ENTREP1: variants seen among roughly 807,000 people sequenced by gnomAD.
ENTREP1 encodes the protein Friedreich ataxia region gene X123.
At chr9:69,336,944 C>T in the ENTREP1 span, among the ~76,000 whole-genome samples, 14 of 151,468 alleles carry the variant, frequency 9.2e-5, no homozygotes, top group East Asian at 1.9e-4. Flanking sequence ...GTGATCCTCC[C>T]GCCTTGGCCT....
the ENTREP1 span, among the ~76,000 whole-genome samples, chr9:69,342,964 C>T: frequency 1.2e-3 from 180 of 152,324 alleles, no homozygotes; most frequent in Middle Eastern, 0.01. Flanking sequence ...TTGGGTGATT[C>T]ATCTACGGTT....
chr9:69,386,020 G>T, the ENTREP1 span: 1 of 1,448,834 alleles, frequency 6.9e-7, no homozygotes, highest in African/African-American at 1.4e-5. Context: ...AAGGCAGGTG[G>T]CTCTGGCCAG....
the ENTREP1 span, among the ~76,000 whole-genome samples, chr9:69,369,594 CTT>C: frequency 1.4e-5 from 2 of 145,144 alleles, no homozygotes; most frequent in Non-Finnish European, 1.5e-5. Flanking sequence ...AGATGATGAG[CTT>C]TTTTTTTTTT....
chr9:69,340,362 A>G, the ENTREP1 span, among the ~76,000 whole-genome samples: 1 of 152,132 alleles, frequency 6.6e-6, no homozygotes, highest in African/African-American at 2.4e-5. Flanking sequence ...TGTTACCTTG[A>G]TGACATCAGG....
At chr9:69,356,715 C>T in the ENTREP1 span, among the ~76,000 whole-genome samples, 1 of 152,270 alleles carries the variant, frequency 6.6e-6, no homozygotes, top group Non-Finnish European at 1.5e-5. Context: ...TTTTGGCCAC[C>T]TTATTCCCAA....
At chr9:69,369,500 T>G in the ENTREP1 span, among the ~76,000 whole-genome samples, 1 of 152,150 alleles carries the variant, frequency 6.6e-6, no homozygotes, top group African/African-American at 2.4e-5. Context: ...ATTTGTTGTT[T>G]CCTGACTTTT....
At chr9:69,383,913 C>T in the ENTREP1 span, 1 of 1,597,092 alleles carries the variant, frequency 6.3e-7, no homozygotes, top group Admixed American at 1.7e-5. Flanking sequence ...AGTTAAACAT[C>T]AACAAAATAA....
chr9:69,334,512 G>T, the ENTREP1 span, among the ~76,000 whole-genome samples: 6 of 152,150 alleles, frequency 3.9e-5, no homozygotes, highest in Admixed American at 1.3e-4. Context: ...ATCTGTAGTT[G>T]ATAAACACTG....
chr9:69,379,509 C>T, the ENTREP1 span: 1 of 152,252 alleles, frequency 6.6e-6, no homozygotes, highest in African/African-American at 2.4e-5. Flanking sequence ...GCTGGGATGG[C>T]TTCCTTAATC....
At chr9:69,367,852 T>C in the ENTREP1 span, among the ~76,000 whole-genome samples, 1 of 125,202 alleles carries the variant, frequency 8.0e-6, no homozygotes, top group South Asian at 2.4e-4. Flanking sequence ...TATATATAAA[T>C]ATATACACAC....
chr9:69,382,635 G>C, the ENTREP1 span: 1 of 152,184 alleles, frequency 6.6e-6, no homozygotes, highest in Non-Finnish European at 1.5e-5. Flanking sequence ...CAGAATTCCA[G>C]AAGTTTTATT....
At chr9:69,358,906 T>C in the ENTREP1 span, among the ~76,000 whole-genome samples, 3 of 141,160 alleles carry the variant, frequency 2.1e-5, no homozygotes, top group South Asian at 2.3e-4. Context: ...TTCTTTCTTT[T>C]TTTTTTTTTT....
the ENTREP1 span, among the ~76,000 whole-genome samples, chr9:69,369,024 C>T: frequency 1.3e-5 from 2 of 152,050 alleles, no homozygotes; most frequent in African/African-American, 4.8e-5. Flanking sequence ...AGTTTTCCTC[C>T]CTGTGTCCAT....
the ENTREP1 span, among the ~76,000 whole-genome samples, chr9:69,349,082 G>T: frequency 6.0e-5 from 9 of 150,526 alleles, no homozygotes; most frequent in African/African-American, 9.8e-5. Context: ...CACTCAGAAG[G>T]CTGAGGCAGG....
At chr9:69,337,162 G>A in the ENTREP1 span, among the ~76,000 whole-genome samples, 1 of 151,790 alleles carries the variant, frequency 6.6e-6, no homozygotes, top group Non-Finnish European at 1.5e-5. Context: ...TTACAGGTGT[G>A]CACCAACACG....
At chr9:69,381,877 G>C in the ENTREP1 span, 1 of 152,160 alleles carries the variant, frequency 6.6e-6, no homozygotes, top group Non-Finnish European at 1.5e-5. Context: ...CTTGGATAAA[G>C]TATGCCCCCT....
At chr9:69,380,152 A>G in the ENTREP1 span, 2 of 152,254 alleles carry the variant, frequency 1.3e-5, no homozygotes, top group Non-Finnish European at 2.9e-5. Flanking sequence ...AGAGCCCTAT[A>G]ATCATATTGC....
At chr9:69,340,815 G>GTGTGTGTGTA in the ENTREP1 span, among the ~76,000 whole-genome samples, 40 of 18,626 alleles carry the variant, frequency 2.1e-3, 2 homozygotes, top group East Asian at 6.3e-3. Flanking sequence ...GTGTGTGTAT[G>GTGTGTGTGTA]TGTGTGTGTG....
At chr9:69,387,663 T>C in the ENTREP1 span, 1 of 317,752 alleles carries the variant, frequency 3.1e-6, no homozygotes, top group Non-Finnish European at 6.1e-6. Context: ...TACAACGTCC[T>C]TGAGGACGTT....
Sources: allele counts gnomAD v4.1 joint callset (sites outside exome capture counted in the v4.1 genomes callset), GRCh38; gene constraint gnomAD v4.1.1; transcripts MANE v1.5; gene names NCBI Gene and HGNC (gene_info 2026-07-23, HGNC 2026-07-21).